ATP13A2: variants seen among roughly 807,000 people sequenced by gnomAD.
ATP13A2 encodes the protein polyamine-transporting ATPase 13A2.
A neutral mutation model predicts 138.3 loss-of-function variants in ATP13A2; 83 were observed. The ratio of observed to expected loss-of-function variants is 0.60; its 90% CI spans 0.50 to 0.72. The LOEUF is 0.72. Among genes scored for constraint, ATP13A2 ranks in the 30% least tolerant of loss-of-function variants. The pLI is 0.00. For synonymous variants in ATP13A2, 663 were observed against 699.0 expected (o/e 0.95, Z 0.81); for missense variants, 1,402 against 1,606.4 (o/e 0.87, Z 2.17).
rs746079188 is a variant in ATP13A2, at chr1:16,992,061, T to C, written c.2074A>G (p.Ser692Gly). ...CTGGGCACAGTGGGCAGTGGCTTGC[T>C]GGCCAGGGCCACGACACGGTAGCCA... ...AAGYRVVALA[S>G]KPLPTVPSLE... Residue 692 changes from serine to glycine, a missense_variant, in exon 19 of 29, where the codon AGC (serine) becomes GGC (glycine). By Grantham distance (56) the Ser-to-Gly change is moderately conservative. Coordinates refer to ENST00000326735, the MANE Select transcript of ATP13A2 (RefSeq NM_022089.4). The C allele has an allele frequency of 6.2e-7, 1 of 1,613,258 alleles. No homozygotes were observed.
intron 18 of ATP13A2, 27 bp from the exon 19 acceptor site, chr1:16,992,156 G>T: frequency 6.2e-7 from 1 of 1,612,134 alleles, no homozygotes; most frequent in African/African-American, 1.3e-5. Context: ...GGTGTCACAA[G>T]GAGGGGATGG....
intron 15 of ATP13A2, among the ~76,000 whole-genome samples, chr1:16,994,184 GCTCT>G (rs144710370): frequency 3.4e-5 from 5 of 148,502 alleles, no homozygotes; most frequent in African/African-American, 1.2e-4. Flanking sequence ...CGGTTGGCTC[GCTCT>G]CTCTCTCTCA....
At chr1:16,990,084 G>C (rs752965372) in intron 21 of ATP13A2, 43 bp downstream of exon 21, 8 of 1,613,768 alleles carry the variant, frequency 5.0e-6, no homozygotes, top group Non-Finnish European at 6.8e-6. Context: ...ACAGGGGTGG[G>C]GTCACTGGGT....
chr1:16,999,391 A>G (rs954459462), intron 11 of ATP13A2, among the ~76,000 whole-genome samples: 1 of 149,142 alleles, frequency 6.7e-6, no homozygotes, highest in African/African-American at 2.4e-5. Flanking sequence ...AAAAAAAAAA[A>G]AAAAAAAAAA....
Position 17,006,302 on chromosome 1 carries a change from G to C in ATP13A2, c.11-524C>G, listed in dbSNP as rs1357419059. Among the ~76,000 whole-genome samples the C allele has an allele frequency of 2.7e-5, 4 of 147,892 alleles. No homozygotes were observed. In the East Asian group the frequency reaches 8.2e-4, roughly 30 times the overall value. On this transcript the variant is annotated intron_variant, in intron 1 of 28. Coordinates refer to ENST00000326735, the MANE Select transcript of ATP13A2 (RefSeq NM_022089.4). ...GTGTCACTCTGTCACCCAGGCTGGA[G>C]TGCAGTCACTTGATCTCAGCTCACT...
In ATP13A2 at chr1:17,004,431, G is replaced by A. The variant is rs778530173; in HGVS notation, c.478-20C>T. On this transcript the variant is annotated intron_variant, in intron 5 of 28. Coordinates refer to ENST00000326735, the MANE Select transcript of ATP13A2 (RefSeq NM_022089.4). The surrounding 1 kb of genome is among the most constrained non-coding windows in gnomAD (Gnocchi z 4.1). ...CCGCTTCTGGGTGGGAGAGAGGAGA[G>A]GATGGGTTGGAAGCTGGCCCCGGCC... The A allele has an allele frequency of 2.5e-6, 4 of 1,613,454 alleles. No individual in the cohort carries two copies. Among genetic ancestry groups the A allele is most frequent in the Admixed American group, 1.7e-5 (1 of 59,978 alleles).
At chr1:17,009,222 A>C (rs1244417070) in intron 1 of ATP13A2, among the ~76,000 whole-genome samples, 1 of 152,122 alleles carries the variant, frequency 6.6e-6, no homozygotes, top group Non-Finnish European at 1.5e-5. Context: ...CATCAGGCTC[A>C]GATGGGTGTC....
Position 16,992,400 on chromosome 1 carries a change from C to G in ATP13A2, c.1848G>C (p.Glu616Asp). 6 of 1,613,818 alleles carry G rather than the reference C, an allele frequency of 3.7e-6. No individual in the cohort carries two copies. The highest frequency in any genetic ancestry group is 5.1e-6 in the Non-Finnish European group (6 of 1,179,940). The change falls in exon 18 of 29, where the codon GAG becomes GAC. Residue 616 changes from glutamate (E) to aspartate (D), a missense_variant and splice_region_variant. Glu to Asp is a conservative substitution (Grantham distance 45). Transcript: ENST00000326735. ...GGACGCTGACTGGCACCGGGGGCTCCTCCTGCAGGGTTGGAGAGGCAGCTG... is the reference window on the plus strand; with the variant it reads ...GGACGCTGACTGGCACCGGGGGCTCGTCCTGCAGGGTTGGAGAGGCAGCTG... ...PLWEPQLQAM[E>D]EPPVPVSVLH...
At chr1:16,999,362 A>G (rs897238338) in intron 11 of ATP13A2, among the ~76,000 whole-genome samples, 7 of 144,018 alleles carry the variant, frequency 4.9e-5, no homozygotes, top group African/African-American at 1.6e-4. Context: ...CCGGGGCAAC[A>G]AGAGTGAAAC....
intron 1 of ATP13A2, among the ~76,000 whole-genome samples, chr1:17,007,266 C>A (rs183148454): frequency 6.6e-6 from 1 of 152,238 alleles, no homozygotes; most frequent in East Asian, 1.9e-4. Context: ...GGCTCCAGAG[C>A]GGGTAGAGCT....
rs1457990330 is a variant in ATP13A2, at chr1:16,986,807, T to C, written c.3233A>G (p.Asn1078Ser). The change falls in exon 27 of 29, where the codon AAT (asparagine) becomes AGT (serine). Residue 1078 changes from asparagine to serine, a missense_variant and splice_region_variant. Asn to Ser is a conservative substitution (Grantham distance 46). Coordinates refer to ENST00000326735, the MANE Select transcript of ATP13A2 (RefSeq NM_022089.4). This position sits in a 1 kb window ranked among gnomAD's most constrained non-coding sequence, Gnocchi z 6.9. ...GAPFRRPLYTNVPFLVALALL... is the reference protein window; with the variant it reads ...GAPFRRPLYTSVPFLVALALL... ...CCCGCCCGCGCCCGCAGTGGCACCA[T>C]TGGTGTAGAGCGGCCGGCGGAAGGG... 2.5e-6 allele frequency: 4 copies of C among 1,612,950 alleles called. No homozygotes were observed. Among genetic ancestry groups the C allele is most frequent in the Middle Eastern group, 1.7e-4 (1 of 5,936 alleles).
Position 16,987,150 on chromosome 1 carries a change from C to A in ATP13A2, c.2979G>T (p.Pro993=). ...PALVLGRVRP[P]GALLSVPVLS... ...GCACGGGCACGCTGAGCAGCGCCCC[C>A]GGTGGCCGCACCCGTCCCAGGACCA... The change falls in exon 26 of 29, where the codon CCG becomes CCT. Residue 993 remains proline (P), a synonymous_variant. Coordinates refer to ENST00000326735, the MANE Select transcript of ATP13A2 (RefSeq NM_022089.4). 1.2e-6 allele frequency: 2 copies of A among 1,613,106 alleles called. No homozygotes were observed. Among genetic ancestry groups the A allele is most frequent in the African/African-American group, 1.3e-5 (1 of 75,022 alleles).
At chr1:16,990,326 C>T (rs147758029) in intron 20 of ATP13A2, 39 bp from the exon 21 acceptor site, 32 of 1,612,128 alleles carry the variant, frequency 2.0e-5, no homozygotes, top group Admixed American at 6.7e-5. Context: ...TGAGGCTATC[C>T]GGGGAGGCCA....
rs745445448 is a variant in ATP13A2 at position 16,996,099 on chromosome 1, C to T, written c.1419G>A (p.Leu473=). Residue 473 remains leucine (L), a synonymous_variant, in exon 15 of 29, where the codon CTG becomes CTA. Transcript: ENST00000326735. ...DLVTVVVPPA[L]PAAMTVCTLY... ...GCGTGCACACAGTCATGGCAGCAGG[C>T]AGGGCAGGTGGCACCACCACGGTCA... 1.2e-6 allele frequency: 2 copies of T among 1,613,976 alleles called. No homozygotes were observed. Among genetic ancestry groups the T allele is most frequent in the African/African-American group, 1.3e-5 (1 of 74,942 alleles).
intron 6 of ATP13A2, among the ~76,000 whole-genome samples, chr1:17,003,394 C>G (rs1202073760): frequency 6.6e-6 from 1 of 151,920 alleles, no homozygotes; most frequent in Non-Finnish European, 1.5e-5. Flanking sequence ...CCCGTCCCTA[C>G]AAAACATGCA....
Position 16,993,729 on chromosome 1 carries a change from G to T in ATP13A2, c.1649C>A (p.Pro550His), listed in dbSNP as rs1379076892. 9 of 1,593,820 alleles carry T rather than the reference G, an allele frequency of 5.6e-6. No individual in the cohort carries two copies. Among genetic ancestry groups the T allele is most frequent in the East Asian group, 2.3e-5 (1 of 43,918 alleles). The change falls in exon 16 of 29, where the codon CCC becomes CAC. Residue 550 changes from proline (P) to histidine (H), a missense_variant. Physicochemically the swap from Pro to His is moderately conservative, Grantham distance 77 (BLOSUM62 -2). Transcript: ENST00000326735. The part of the protein sequence containing the change: ...VPEPRRLPVG[P>H]LLRALATCHA... ...GCAGGTGGCCAGTGCTCGGAGCAGG[G>T]GCCCCACAGGCAGGCGGCGAGGCTC... is the stretch of plus-strand genomic sequence containing the variant.
At chr1:17,009,115 G>A (rs1385671221) in intron 1 of ATP13A2, among the ~76,000 whole-genome samples, 1 of 152,178 alleles carries the variant, frequency 6.6e-6, no homozygotes, top group Non-Finnish European at 1.5e-5. Flanking sequence ...GAGCCTCTGG[G>A]GCAGTTGCCC....
chr1:16,995,041 T>C lies in ATP13A2; in HGVS notation c.1542+935A>G, dbSNP rs1477070940. Among the ~76,000 whole-genome samples, 2 of 152,154 alleles carry C rather than the reference T, an allele frequency of 1.3e-5. No homozygotes were observed. The highest frequency in any genetic ancestry group is 3.9e-4 in the East Asian group (2 of 5,186). On this transcript the variant is annotated intron_variant, in intron 15 of 28. Transcript: ENST00000326735. This position sits in a 1 kb window ranked among gnomAD's most constrained non-coding sequence, Gnocchi z 4.1. ...AGCCTCTGTCAACCAGGCCACTGCCTACCCGGCCCTGTCCTGCTCCACCAC... is the reference window on the plus strand; with the variant it reads ...AGCCTCTGTCAACCAGGCCACTGCCCACCCGGCCCTGTCCTGCTCCACCAC...
Position 16,996,075 on chromosome 1 carries a change from C to A in ATP13A2, c.1443G>T (p.Thr481=), listed in dbSNP as rs143517820. Residue 481 remains threonine, a synonymous_variant, in exon 15 of 29, where the codon ACG becomes ACT. Transcript: ENST00000326735. ...TCCGCAGTCGGCTCTGGGCGTAGAG[C>A]GTGCACACAGTCATGGCAGCAGGCA... ...PALPAAMTVC[T]LYAQSRLRRQ... is the part of the protein sequence containing the mutation. The A allele has an allele frequency of 6.2e-7, 1 of 1,614,090 alleles. No homozygotes were observed. The highest frequency in any genetic ancestry group is 2.2e-5 in the East Asian group (1 of 44,886).
Sources: allele counts gnomAD v4.1 joint callset (sites outside exome capture counted in the v4.1 genomes callset), GRCh38; gene constraint gnomAD v4.1.1; non-coding constraint Gnocchi (gnomAD v3.1); transcripts MANE v1.5; gene names NCBI Gene and HGNC (gene_info 2026-07-23, HGNC 2026-07-21).